FAT3: variants seen among roughly 807,000 people sequenced by gnomAD.
FAT3 encodes the protein protocadherin Fat 3.
Under a neutral mutation model 310.2 loss-of-function variants are expected in FAT3, and 95 were observed. The ratio of observed to expected loss-of-function variants is 0.31; its 90% CI spans 0.26 to 0.36. The LOEUF (loss-of-function observed/expected upper bound fraction) is 0.36, where lower values mean the gene tolerates loss of function less well. Among genes scored for constraint, FAT3 ranks in the 10% least tolerant of loss-of-function variants. FAT3 has a pLI of 1.00. For synonymous variants in FAT3, 2,314 were observed against 2,192.9 expected (o/e 1.06, Z -1.54); for missense variants, 5,408 against 5,715.6 (o/e 0.95, Z 1.74).
intron 2 of FAT3, among the ~76,000 whole-genome samples, chr11:92,380,072 CGTGTGTGTGTGTGTGTGTGTGT>C (rs34789717): frequency 6.9e-6 from 1 of 145,210 alleles, no homozygotes; most frequent in Non-Finnish European, 1.5e-5. Context: ...CAAACTGATT[CGTGTGTGTGTGTGTGTGTGTGT>C]GTGTGTGTGT....
chr11:92,498,032 C>G (rs1413203102), intron 2 of FAT3: 1 of 152,060 alleles, frequency 6.6e-6, no homozygotes, highest in Non-Finnish European at 1.5e-5. Flanking sequence ...TGGACCTGCT[C>G]CTACTCTCAA....
intron 1 of FAT3, among the ~76,000 whole-genome samples, chr11:92,351,667 A>G (rs1203232350): frequency 6.7e-6 from 1 of 149,968 alleles, no homozygotes; most frequent in Non-Finnish European, 1.5e-5. Context: ...GCATCTCTTC[A>G]TTTTTTTTTT....
intron 4 of FAT3, among the ~76,000 whole-genome samples, chr11:92,760,534 T>G (rs1197587399): frequency 1.3e-5 from 2 of 152,228 alleles, no homozygotes; most frequent in Admixed American, 1.3e-4. Context: ...AGATTAAATA[T>G]GGGTTCTTCC....
At chr11:92,887,492 C>T (rs548201260) in intron 25 of FAT3, among the ~76,000 whole-genome samples, 7 of 152,216 alleles carry the variant, frequency 4.6e-5, no homozygotes, top group Non-Finnish European at 1.0e-4. Context: ...GTACATCCAA[C>T]ATCCCCGTCA....
chr11:92,821,263 A>G (rs1340829476), intron 13 of FAT3, among the ~76,000 whole-genome samples: 3 of 152,198 alleles, frequency 2.0e-5, no homozygotes, highest in African/African-American at 4.8e-5. Flanking sequence ...TGAAAAGGAG[A>G]TTATCATCAC....
chr11:92,511,836 A>G (rs1953301149), intron 2 of FAT3, among the ~76,000 whole-genome samples: 1 of 152,206 alleles, frequency 6.6e-6, no homozygotes, highest in Non-Finnish European at 1.5e-5. Flanking sequence ...CAACATCTGA[A>G]AATCTTCAGA....
chr11:92,344,767 G>A (rs1232631760), intron 1 of FAT3, among the ~76,000 whole-genome samples: 1 of 152,124 alleles, frequency 6.6e-6, no homozygotes, highest in Non-Finnish European at 1.5e-5. Flanking sequence ...AAGTTTGTGG[G>A]TGGAAAACAT....
chr11:92,246,054 C>T (rs1158289879), intron 1 of FAT3, among the ~76,000 whole-genome samples: 3 of 152,018 alleles, frequency 2.0e-5, no homozygotes, highest in Admixed American at 2.0e-4. Flanking sequence ...TTGGACTTGG[C>T]AGTTAGGATG....
At chr11:92,318,340 G>C (rs1042448348) in intron 1 of FAT3, among the ~76,000 whole-genome samples, 1 of 152,082 alleles carries the variant, frequency 6.6e-6, no homozygotes, top group African/African-American at 2.4e-5. Flanking sequence ...CTTTTTTCAC[G>C]TAGTCATTTC....
intron 2 of FAT3, chr11:92,366,438 AG>A: frequency 2.7e-6 from 1 of 365,774 alleles, no homozygotes. Context: ...GGAGGTGCAC[AG>A]GGGGATGTGA....
At chr11:92,688,439 C>T (rs372357528) in intron 3 of FAT3, among the ~76,000 whole-genome samples, 9 of 152,144 alleles carry the variant, frequency 5.9e-5, no homozygotes, top group Non-Finnish European at 1.2e-4. Context: ...ATTACTATAA[C>T]CCCATCATCC....
chr11:92,351,667 AT>A (rs33991336), intron 1 of FAT3, among the ~76,000 whole-genome samples: 13 of 150,022 alleles, frequency 8.7e-5, no homozygotes, highest in Middle Eastern at 3.4e-3. Context: ...GCATCTCTTC[AT>A]TTTTTTTTTA....
intron 9 of FAT3, among the ~76,000 whole-genome samples, chr11:92,796,346 G>A (rs559988289): frequency 6.6e-6 from 1 of 152,118 alleles, no homozygotes; most frequent in South Asian, 2.1e-4. Context: ...TTCACATTTG[G>A]GGGGGCTGGA....
At chr11:92,625,968 T>G (rs1941315957) in intron 3 of FAT3, among the ~76,000 whole-genome samples, 1 of 152,208 alleles carries the variant, frequency 6.6e-6, no homozygotes, top group Non-Finnish European at 1.5e-5. Context: ...CCAAATTGCC[T>G]GACAAAATTA....
At chr11:92,500,302 A>G (rs1952896130) in intron 2 of FAT3, among the ~76,000 whole-genome samples, 1 of 152,090 alleles carries the variant, frequency 6.6e-6, no homozygotes, top group Admixed American at 6.6e-5. Flanking sequence ...ATTTAATTTC[A>G]GATATGGTCA....
intron 2 of FAT3, chr11:92,407,947 C>T (rs1421089275): frequency 1.3e-5 from 2 of 152,058 alleles, no homozygotes; most frequent in Non-Finnish European, 2.9e-5. Context: ...ACTTCCCAGC[C>T]CATGAGGCAA....
intron 3 of FAT3, among the ~76,000 whole-genome samples, chr11:92,574,596 G>C (rs1001655367): frequency 3.3e-5 from 5 of 152,100 alleles, no homozygotes; most frequent in African/African-American, 1.2e-4. Context: ...TTCCGTGGTT[G>C]CTTTGTTTTC....
chr11:92,397,148 C>T (rs1949887429), intron 2 of FAT3, among the ~76,000 whole-genome samples: 1 of 152,162 alleles, frequency 6.6e-6, no homozygotes. Flanking sequence ...ATGTGTGCTA[C>T]ACTAGACTGT....
intron 3 of FAT3, among the ~76,000 whole-genome samples, chr11:92,643,973 G>A (rs888767188): frequency 4.6e-5 from 7 of 152,246 alleles, no homozygotes; most frequent in African/African-American, 1.7e-4. Flanking sequence ...ATGCCTTCTA[G>A]ATTCTTTTCA....
Sources: gnomAD v4.1 joint callset for allele counts (sites outside exome capture counted in the v4.1 genomes callset) on GRCh38, gnomAD v4.1.1 for gene constraint, MANE v1.5 for transcripts, NCBI Gene and HGNC (gene_info 2026-07-23, HGNC 2026-07-21) for gene names.